Variants in NRDC observed in about 807,000 individuals in gnomAD.
The protein encoded by NRDC is nardilysin.
Under a neutral mutation model 147.1 loss-of-function variants are expected in NRDC, and 54 were observed. The ratio of observed to expected loss-of-function variants is 0.37; its 90% confidence interval spans 0.29 to 0.46. The LOEUF (loss-of-function observed/expected upper bound fraction) is 0.46, where lower values mean the gene tolerates loss of function less well. Ranked by LOEUF, NRDC falls within the 20% of genes least tolerant of loss-of-function variation. NRDC has a pLI of 1.00. For synonymous variants in NRDC, 440 were observed against 482.1 expected, an observed-to-expected ratio of 0.91 and a Z score of 1.14; for missense variants, 1,082 against 1,370.6, an observed-to-expected ratio of 0.79 and a Z score of 3.33.
intron 21 of NRDC, chr1:51,798,689 G>A (rs1259392196): frequency 3.2e-6 from 1 of 308,022 alleles, no homozygotes; most frequent in Non-Finnish European, 6.1e-6. Context: ...GCTGCCAGAT[G>A]AGTCAAGTTT....
rs1679600077 is a variant in NRDC, at chr1:51,809,206, T to C, written c.1990+109A>G. On this transcript the variant is annotated intron_variant, in intron 17 of 30. Coordinates refer to ENST00000352171, the MANE Select transcript of NRDC (RefSeq NM_001101662.2). Reference sequence around the variant, plus strand: ...ACTAATGCCAACCTCAGAATGTTACTGGGAATCTCAAATATAAATTCCTAC... The same window carrying C: ...ACTAATGCCAACCTCAGAATGTTACCGGGAATCTCAAATATAAATTCCTAC... The C allele has an allele frequency of 6.3e-6, 5 of 794,932 alleles. No homozygotes were observed. In the South Asian group the frequency reaches 8.1e-5, roughly 13 times the overall value. The allele number at this position is 794,932 out of a possible 1,614,324, so 49.2% of individuals were successfully genotyped here.
In NRDC at chr1:51,834,148, T is replaced by C. The variant is rs758692804; in HGVS notation, c.735A>G (p.Lys245=). 4 of 1,614,014 alleles carry C rather than the reference T, an allele frequency of 2.5e-6. No homozygotes were observed. In the South Asian group the frequency reaches 3.3e-5, roughly 13 times the overall value. ...LEHMVFMGSL[K]YPDENGFDAF... is the part of the protein sequence containing the mutation. ...CATCAAATCCATTCTCATCTGGATA[T>C]TTCAAACTACCCATGAATACCACTA... is the stretch of plus-strand genomic sequence containing the variant. Residue 245 remains lysine (K), a synonymous_variant, in exon 4 of 31, where the codon AAA becomes AAG. Coordinates refer to ENST00000352171, the MANE Select transcript of NRDC (RefSeq NM_001101662.2).
chr1:51,870,776 A>G (rs1202622203), intron 1 of NRDC, among the ~76,000 whole-genome samples: 2 of 144,254 alleles, frequency 1.4e-5, no homozygotes, highest in Non-Finnish European at 1.5e-5. Flanking sequence ...ATGAATACAG[A>G]CAGTATTAAT....
intron 1 of NRDC, among the ~76,000 whole-genome samples, chr1:51,852,399 T>C (rs539253034): frequency 1.6e-4 from 23 of 146,918 alleles, no homozygotes; most frequent in South Asian, 1.1e-3. Flanking sequence ...AAAAGTCTAA[T>C]TAAAACTAAT....
At chr1:51,847,664 G>GCGGGCCCGCCAAGCC (rs1466455769) in intron 1 of NRDC, among the ~76,000 whole-genome samples, 2 of 152,232 alleles carry the variant, frequency 1.3e-5, no homozygotes, top group Non-Finnish European at 2.9e-5. Flanking sequence ...CACTCTGAGT[G>GCGGGCCCGCCAAGCC]CGGGCCCGCC....
intron 2 of NRDC, chr1:51,837,642 G>C (rs1260715349): frequency 6.8e-7 from 1 of 1,470,942 alleles, no homozygotes; most frequent in East Asian, 2.4e-5. Flanking sequence ...ATTCATACTT[G>C]AGAATTTTCT....
Position 51,828,917 on chromosome 1 carries a change from C to T in NRDC, c.867-1048G>A, listed in dbSNP as rs182788518. On this transcript the variant is annotated intron_variant, in intron 4 of 30. Coordinates refer to ENST00000352171, the MANE Select transcript of NRDC (RefSeq NM_001101662.2). The stretch of plus-strand genomic sequence containing the variant: ...AAATTTTTTATAGAGACAGGGTCTC[C>T]CTATATTGCTCAGGCTTCTTTAAAA... 1.9e-4 allele frequency among the ~76,000 whole-genome samples: 29 copies of T among 151,870 alleles called. No homozygotes were observed. The East Asian group carries it at 5.6e-3, about 29-fold the overall frequency.
rs74622002 is a variant in NRDC at position 51,814,053 on chromosome 1, T to C, written c.1656A>G (p.Glu552=). 517 of 1,603,542 alleles carry C rather than the reference T, an allele frequency of 3.2e-4. 1 individual carries two copies. In the East Asian group the frequency reaches 0.01, roughly 31 times the overall value. ...CCAGTACCTGTTCTTGGTAATGAAATTCATTATCCTCAATTTTCCGAATCT... is the reference window on the plus strand; with the variant it reads ...CCAGTACCTGTTCTTGGTAATGAAACTCATTATCCTCAATTTTCCGAATCT... The part of the protein sequence containing the change: ...FEEIRKIEDN[E]FHYQEQTDPV... Residue 552 remains glutamate (E), a synonymous_variant, in exon 14 of 31, where the codon GAA becomes GAG. Transcript: ENST00000352171.
Position 51,792,336 on chromosome 1 carries a change from A to AG in NRDC, c.2823+40dup. The AG allele has an allele frequency of 2.5e-6, 4 of 1,605,916 alleles. No homozygotes were observed. The South Asian group carries it at 4.4e-5, about 18-fold the overall frequency. On this transcript the variant is annotated intron_variant, in intron 25 of 30. Coordinates refer to ENST00000352171, the MANE Select transcript of NRDC (RefSeq NM_001101662.2). The stretch of plus-strand genomic sequence containing the variant: ...AAAAGGCCGGGCCTCATAGTGGGTC[A>AG]GGGGCTGCTGAAAACCTCAGCATCT...
intron 18 of NRDC, 125 bp downstream of exon 18, chr1:51,806,669 C>T (rs939116592): frequency 4.3e-6 from 4 of 928,878 alleles, no homozygotes; most frequent in African/African-American, 3.4e-5. Context: ...CTGATAGAGG[C>T]ACCCAGCCCC....
chr1:51,804,236 T>G (rs1419313326), intron 19 of NRDC, among the ~76,000 whole-genome samples: 38 of 152,212 alleles, frequency 2.5e-4, no homozygotes. Flanking sequence ...GGAATAGGCA[T>G]CAGCAGCACT....
intron 1 of NRDC, among the ~76,000 whole-genome samples, chr1:51,860,399 G>T (rs1682471041): frequency 6.6e-6 from 1 of 152,194 alleles, no homozygotes; most frequent in African/African-American, 2.4e-5. Context: ...AACTACAGTT[G>T]TATACAGACT....
At chr1:51,852,287 G>C (rs776790967) in intron 1 of NRDC, among the ~76,000 whole-genome samples, 1 of 151,768 alleles carries the variant, frequency 6.6e-6, no homozygotes, top group Non-Finnish European at 1.5e-5. Context: ...AATATCTTTG[G>C]GGTGAAAAGA....
intron 1 of NRDC, chr1:51,877,968 C>G: frequency 8.3e-7 from 1 of 1,200,238 alleles, no homozygotes; most frequent in Non-Finnish European, 1.1e-6. Flanking sequence ...TAACATAATA[C>G]CAAGACTCCC....
intron 11 of NRDC, 75 bp from the exon 12 acceptor site, chr1:51,814,888 A>G: frequency 7.2e-7 from 1 of 1,390,828 alleles, no homozygotes; most frequent in East Asian, 2.4e-5. Context: ...TTAACAAAAT[A>G]TAGAGGCTTT....
chr1:51,876,123 G>A (rs1306505471), intron 1 of NRDC, among the ~76,000 whole-genome samples: 1 of 152,134 alleles, frequency 6.6e-6, no homozygotes, highest in Non-Finnish European at 1.5e-5. Context: ...GAAACACAGT[G>A]TAGATTCCAT....
At chr1:51,860,560 G>T (rs984696696) in intron 1 of NRDC, among the ~76,000 whole-genome samples, 3 of 152,158 alleles carry the variant, frequency 2.0e-5, no homozygotes, top group Admixed American at 1.3e-4. Context: ...ATACACCTTG[G>T]TCACCGGGAG....
At chr1:51,814,272 C>T in intron 13 of NRDC, 183 bp from the exon 14 acceptor site, 1 of 582,988 alleles carries the variant, frequency 1.7e-6, no homozygotes, top group South Asian at 2.3e-5. Context: ...AACAAACCTG[C>T]ACATATACCC....
chr1:51,871,983 T>C (rs962059476), intron 1 of NRDC, among the ~76,000 whole-genome samples: 1 of 152,164 alleles, frequency 6.6e-6, no homozygotes, highest in Admixed American at 6.5e-5. Flanking sequence ...GCGATTCTCC[T>C]GCCTCAGCCT....
Sources: allele counts gnomAD v4.1 joint callset (sites outside exome capture counted in the v4.1 genomes callset), GRCh38; gene constraint gnomAD v4.1.1; transcripts MANE v1.5; gene names NCBI Gene and HGNC (gene_info 2026-07-23, HGNC 2026-07-21).